Variants in NRXN3 observed in about 807,000 individuals in gnomAD.
The protein encoded by NRXN3 is neurexin III.
A neutral mutation model predicts 137.6 loss-of-function variants in NRXN3; 32 were observed. The observed-to-expected ratio is 0.23, with a 90% CI of 0.18 to 0.31. NRXN3 has a LOEUF of 0.31. Ranked by LOEUF, NRXN3 falls within the 10% of genes least tolerant of loss-of-function variation. The probability of loss-of-function intolerance (pLI) is 1.00; values close to 1 mark genes in which losing one functional copy is unlikely to be tolerated. For synonymous variants in NRXN3, 798 were observed against 784.5 expected (o/e 1.02, Z -0.29); for missense variants, 1,574 against 2,062.5 (o/e 0.76, Z 4.59).
chr14:78,491,536 T>C, intron 4 of NRXN3, among the ~76,000 whole-genome samples: 1 of 152,200 alleles, frequency 6.6e-6, no homozygotes, highest in Non-Finnish European at 1.5e-5. Flanking sequence ...AGATTTAGCA[T>C]TCTGTCATTG....
intron 10 of NRXN3, among the ~76,000 whole-genome samples, chr14:78,871,353 T>C (rs897343855): frequency 6.6e-6 from 1 of 152,048 alleles, no homozygotes; most frequent in African/African-American, 2.4e-5. Flanking sequence ...CATCCTATCA[T>C]GTTTCTACTC....
intron 8 of NRXN3, among the ~76,000 whole-genome samples, chr14:78,727,633 G>A (rs1285464229): frequency 1.3e-5 from 2 of 152,114 alleles, no homozygotes; most frequent in Admixed American, 1.3e-4. Context: ...TACTTGGGAG[G>A]CTGAGATAGG....
chr14:78,829,508 A>G (rs1245591161), intron 10 of NRXN3, among the ~76,000 whole-genome samples: 2 of 152,110 alleles, frequency 1.3e-5, no homozygotes, highest in Non-Finnish European at 2.9e-5. Flanking sequence ...CAATTGCTAA[A>G]TCGGGTAAAA....
intron 10 of NRXN3, among the ~76,000 whole-genome samples, chr14:78,929,045 C>T (rs949339126): frequency 6.6e-6 from 1 of 152,072 alleles, no homozygotes; most frequent in Admixed American, 6.6e-5. Context: ...TTCTCTGATG[C>T]CCAGTGATGA....
At chr14:78,675,458 A>G (rs1166705716) in intron 6 of NRXN3, among the ~76,000 whole-genome samples, 2 of 152,194 alleles carry the variant, frequency 1.3e-5, no homozygotes, top group African/African-American at 4.8e-5. Flanking sequence ...GGTCCAGTGC[A>G]TTTCTGTTTA....
chr14:78,236,741 T>C (rs2066372024), intron 1 of NRXN3, among the ~76,000 whole-genome samples: 1 of 138,512 alleles, frequency 7.2e-6, no homozygotes, highest in African/African-American at 2.7e-5. Context: ...CCCCCCCCCT[T>C]TTTTTTGATG....
chr14:79,042,513 A>G lies in NRXN3; in HGVS notation c.3262+54372A>G, dbSNP rs113497930. On this transcript the variant is annotated intron_variant, in intron 15 of 20. Coordinates refer to ENST00000335750, the MANE Select transcript of NRXN3 (RefSeq NM_001330195.2). ...TTTGAATTCCATTTTGTCTGACTCC[A>G]TAAATCATACTCATGCTAGTACACT... Among the ~76,000 whole-genome samples the G allele has an allele frequency of 8.9e-4, 136 of 152,360 alleles. 1 individual carries two copies. Among genetic ancestry groups the G allele is most frequent in the African/African-American group, 2.9e-3 (122 of 41,592 alleles).
At chr14:78,557,236 G>A (rs895660778) in intron 4 of NRXN3, among the ~76,000 whole-genome samples, 1 of 110,370 alleles carries the variant, frequency 9.1e-6, no homozygotes, top group Non-Finnish European at 1.9e-5. Flanking sequence ...TTTTTTTTTT[G>A]TAGAGATGCA....
intron 4 of NRXN3, among the ~76,000 whole-genome samples, chr14:78,562,665 C>T (rs564201334): frequency 2.0e-5 from 3 of 152,266 alleles, no homozygotes; most frequent in African/African-American, 7.2e-5. Context: ...GCCCAGGCTA[C>T]AATGGACTGT....
In NRXN3 at chr14:78,760,034, CTTTTTTTTT is replaced by C. The variant is rs61320632; in HGVS notation, c.2045-43570_2045-43562del. Among the ~76,000 whole-genome samples, 474 of 86,738 alleles carry C rather than the reference CTTTTTTTTT, an allele frequency of 5.5e-3. 13 individuals carry two copies. In the East Asian group the frequency reaches 0.095, roughly 17 times the overall value. 56.9% of individuals were successfully genotyped at this position (86,738 alleles called of 152,430 possible). ...AAAGCCAGGACCCAGAGCCTGCAGT[CTTTTTTTTT>C]TTTTTTTTTTTTTTTGAGACGGAGT... On this transcript the variant is annotated intron_variant, in intron 8 of 20. Transcript: ENST00000335750.
At chr14:79,505,800 G>C (rs2096872840) in intron 16 of NRXN3, among the ~76,000 whole-genome samples, 1 of 152,148 alleles carries the variant, frequency 6.6e-6, no homozygotes, top group Non-Finnish European at 1.5e-5. Flanking sequence ...ATTAGCTTTT[G>C]ATTGCTATGT....
At chr14:79,187,805 G>A (rs1174719289) in intron 15 of NRXN3, among the ~76,000 whole-genome samples, 1 of 152,168 alleles carries the variant, frequency 6.6e-6, no homozygotes, top group East Asian at 1.9e-4. Flanking sequence ...TGGATGAGAC[G>A]GAAGATGCTC....
chr14:79,279,129 G>A (rs2080809852), intron 15 of NRXN3, among the ~76,000 whole-genome samples: 1 of 152,292 alleles, frequency 6.6e-6, no homozygotes, highest in South Asian at 2.1e-4. Context: ...TGTCACACAC[G>A]CGCGCACACA....
intron 8 of NRXN3, among the ~76,000 whole-genome samples, chr14:78,716,436 A>C (rs7148791): frequency 9.2e-5 from 14 of 152,348 alleles, no homozygotes; most frequent in African/African-American, 3.4e-4. Context: ...CCTCAAGAAG[A>C]TTATCATTTA....
At chr14:78,660,331 T>G (rs969000067) in intron 6 of NRXN3, among the ~76,000 whole-genome samples, 2 of 151,634 alleles carry the variant, frequency 1.3e-5, no homozygotes, top group Non-Finnish European at 2.9e-5. Context: ...TTGATTTTTA[T>G]TCCCCTCATT....
chr14:78,954,626 G>A (rs889953854), intron 10 of NRXN3, among the ~76,000 whole-genome samples: 13 of 151,846 alleles, frequency 8.6e-5, no homozygotes, highest in Non-Finnish European at 1.5e-4. Flanking sequence ...CACCATGCCC[G>A]GCTAGTTTTT....
chr14:79,356,393 C>T (rs2093423769), intron 15 of NRXN3, among the ~76,000 whole-genome samples: 1 of 152,270 alleles, frequency 6.6e-6, no homozygotes, highest in South Asian at 2.1e-4. Context: ...TAAACTCTTG[C>T]TTTTCCTGGA....
intron 4 of NRXN3, among the ~76,000 whole-genome samples, chr14:78,588,350 C>T (rs1022529288): frequency 3.9e-5 from 6 of 152,210 alleles, no homozygotes; most frequent in Admixed American, 1.3e-4. Context: ...CTAGGTGATA[C>T]AGTTTGTAAC....
chr14:79,365,867 A>G (rs1265064797), intron 15 of NRXN3, among the ~76,000 whole-genome samples: 2 of 152,020 alleles, frequency 1.3e-5, no homozygotes, highest in African/African-American at 4.8e-5. Flanking sequence ...GATACGTATA[A>G]TGTATGTTAA....
Sources: allele counts gnomAD v4.1 joint callset (sites outside exome capture counted in the v4.1 genomes callset), GRCh38; gene constraint gnomAD v4.1.1; transcripts MANE v1.5; gene names NCBI Gene and HGNC (gene_info 2026-07-23, HGNC 2026-07-21).